KCNJ16: variants seen among roughly 807,000 people sequenced by gnomAD.
The protein encoded by KCNJ16 is potassium inwardly rectifying channel subfamily J member 16, also known as inward rectifier potassium channel 16.
KCNJ16 carries 15 observed loss-of-function variants against 18.5 expected under a neutral mutation model. The ratio of observed to expected loss-of-function variants is 0.81; its 90% confidence interval spans 0.54 to 1.25. KCNJ16 has a LOEUF of 1.25. Ranked by LOEUF, KCNJ16 falls within the 50% of genes most tolerant of loss-of-function variation. KCNJ16 has a pLI of 0.00. For missense variants in KCNJ16, 523 were observed against 525.7 expected, an observed-to-expected ratio of 0.99 and a Z score of 0.05; for synonymous variants, 174 against 186.5, an observed-to-expected ratio of 0.93 and a Z score of 0.55.
Position 70,132,595 on chromosome 17 carries a change from G to A in KCNJ16, c.508G>A (p.Ala170Thr). 2.5e-6 allele frequency: 4 copies of A among 1,614,134 alleles called. No homozygotes were observed. In the South Asian group the frequency reaches 3.3e-5, roughly 13 times the overall value. Residue 170 changes from alanine (A) to threonine (T), a missense_variant, in exon 4 of 4, where the codon GCC (alanine) becomes ACC (threonine). Ala to Thr is a moderately conservative substitution (Grantham distance 58). Transcript: ENST00000392671. ...INTFIIGAAL[A>T]KMATARKRAQ... The stretch of plus-strand genomic sequence containing the variant: ...TACCTTTATCATTGGAGCTGCCTTG[G>A]CCAAAATGGCAACTGCTCGAAAGAG...
intron 2 of KCNJ16, among the ~76,000 whole-genome samples, chr17:70,111,172 AC>A (rs2144006010): frequency 6.6e-6 from 1 of 152,330 alleles, no homozygotes; most frequent in Non-Finnish European, 1.5e-5. Context: ...ACCATTATGC[AC>A]CACTCACACC....
At chr17:70,081,846 CT>C (rs2071568861) in intron 1 of KCNJ16, among the ~76,000 whole-genome samples, 1 of 150,500 alleles carries the variant, frequency 6.6e-6, no homozygotes. Flanking sequence ...AAATAAGTGT[CT>C]GTATTAATTA....
intron 1 of KCNJ16, among the ~76,000 whole-genome samples, chr17:70,089,878 T>C (rs965893677): frequency 6.6e-6 from 1 of 152,234 alleles, no homozygotes; most frequent in African/African-American, 2.4e-5. Context: ...GCTAACACTT[T>C]GTAACCGTGG....
intron 1 of KCNJ16, among the ~76,000 whole-genome samples, chr17:70,098,159 A>G (rs2072465142): frequency 6.6e-6 from 1 of 152,106 alleles, no homozygotes; most frequent in African/African-American, 2.4e-5. Flanking sequence ...TTTCCTAGTA[A>G]CTCTCATTCA....
chr17:70,127,508 C>A (rs1021827348), intron 2 of KCNJ16, among the ~76,000 whole-genome samples: 1 of 151,982 alleles, frequency 6.6e-6, no homozygotes, highest in Non-Finnish European at 1.5e-5. Flanking sequence ...CTGGCATTGT[C>A]CTAACTCTTA....
chr17:70,131,780 A>T (rs1431047207), intron 3 of KCNJ16, among the ~76,000 whole-genome samples: 3 of 152,214 alleles, frequency 2.0e-5, no homozygotes, highest in Non-Finnish European at 4.4e-5. Context: ...AGCCTTATTC[A>T]TATATAAAAA....
chr17:70,113,691 G>A (rs376840329), intron 2 of KCNJ16, among the ~76,000 whole-genome samples: 1 of 152,054 alleles, frequency 6.6e-6, no homozygotes, highest in Non-Finnish European at 1.5e-5. Flanking sequence ...TCTTTTTAAG[G>A]AAAATATTAC....
chr17:70,116,759 T>A (rs937948789), intron 2 of KCNJ16, among the ~76,000 whole-genome samples: 1 of 152,128 alleles, frequency 6.6e-6, no homozygotes, highest in African/African-American at 2.4e-5. Context: ...TGAGATACCA[T>A]CTCACACCAG....
intron 2 of KCNJ16, among the ~76,000 whole-genome samples, chr17:70,130,506 G>T (rs1372597923): frequency 6.6e-6 from 1 of 152,142 alleles, no homozygotes; most frequent in Non-Finnish European, 1.5e-5. Flanking sequence ...GCTTTAAGTG[G>T]AGTCCATCCT....
intron 1 of KCNJ16, among the ~76,000 whole-genome samples, chr17:70,088,576 G>T (rs2071945298): frequency 6.6e-6 from 1 of 152,024 alleles, no homozygotes; most frequent in Non-Finnish European, 1.5e-5. Flanking sequence ...CATTCCCAGG[G>T]GATTAAAGCT....
At chr17:70,130,791 C>T in intron 2 of KCNJ16, 88 bp from the exon 3 acceptor site, 1 of 656,876 alleles carries the variant, frequency 1.5e-6, no homozygotes, top group Non-Finnish European at 2.7e-6. Flanking sequence ...CCATCTAGCA[C>T]AGGTAGACTG....
At chr17:70,078,051 C>A (rs544502493) in intron 1 of KCNJ16, among the ~76,000 whole-genome samples, 1 of 152,240 alleles carries the variant, frequency 6.6e-6, no homozygotes, top group Admixed American at 6.5e-5. Context: ...CTGTTAAACA[C>A]AAGGGGTGGA....
chr17:70,114,515 C>T (rs1395171075), intron 2 of KCNJ16, among the ~76,000 whole-genome samples: 1 of 152,124 alleles, frequency 6.6e-6, no homozygotes, highest in Admixed American at 6.6e-5. Context: ...AGCTCCCATA[C>T]AAAACTACAT....
chr17:70,110,041 C>T (rs554120368), intron 2 of KCNJ16, among the ~76,000 whole-genome samples: 1 of 152,298 alleles, frequency 6.6e-6, no homozygotes, highest in East Asian at 1.9e-4. Flanking sequence ...GATGACAATA[C>T]ATACTTTAAT....
chr17:70,119,143 T>C (rs2073532375), intron 2 of KCNJ16, among the ~76,000 whole-genome samples: 1 of 152,232 alleles, frequency 6.6e-6, no homozygotes, highest in African/African-American at 2.4e-5. Context: ...TTTGACTCCA[T>C]GGCCCACATC....
intron 1 of KCNJ16, among the ~76,000 whole-genome samples, chr17:70,082,371 T>C (rs936090039): frequency 1.3e-5 from 2 of 152,054 alleles, no homozygotes; most frequent in African/African-American, 2.4e-5. Flanking sequence ...GAGAGTAACT[T>C]AGATGGGAGA....
In KCNJ16 at chr17:70,107,259, G is replaced by C. The variant is rs147621074; in HGVS notation, c.-191+6493G>C. Among the ~76,000 whole-genome samples, 773 of 152,274 alleles carry C rather than the reference G, an allele frequency of 5.1e-3. 6 individuals are homozygous for C. The highest frequency in any genetic ancestry group is 9.2e-3 in the Admixed American group (141 of 15,282). The stretch of plus-strand genomic sequence containing the variant: ...CAAAAATCAAATCTAAGTGATGAAA[G>C]TAAAGGTACTGTTTTGTTTGCATCA... On this transcript the variant is annotated intron_variant, in intron 2 of 3. Coordinates refer to ENST00000392671, the MANE Select transcript of KCNJ16 (RefSeq NM_170741.4).
chr17:70,077,691 G>A (rs1228549685), intron 1 of KCNJ16, among the ~76,000 whole-genome samples: 1 of 149,140 alleles, frequency 6.7e-6, no homozygotes, highest in Non-Finnish European at 1.5e-5. Context: ...TTTTTTGTTT[G>A]TTTGTTTTTT....
At position 70,133,050 on chromosome 17, in the gene KCNJ16, C is replaced by T. The variant is rs747205925; in HGVS notation, c.963C>T (p.Tyr321=). 3.1e-6 allele frequency: 5 copies of T among 1,613,968 alleles called. No individual in the cohort carries two copies. The African/African-American group carries it at 6.7e-5, about 22-fold the overall frequency. ...TCTTGGAAGTTAAGAGGAAGTATTA[C>T]AAAGTGAACTGCTTACAGTTTGAAG... ...NDVLEVKRKY[Y]KVNCLQFEGS... is the part of the protein sequence containing the mutation. Residue 321 remains tyrosine, a synonymous_variant, in exon 4 of 4, where the codon TAC becomes TAT. Transcript: ENST00000392671.
Sources: allele counts gnomAD v4.1 joint callset (sites outside exome capture counted in the v4.1 genomes callset), GRCh38; gene constraint gnomAD v4.1.1; transcripts MANE v1.5; gene names NCBI Gene and HGNC (gene_info 2026-07-23, HGNC 2026-07-21).